The following IGF2BP2 variants were observed in gnomAD, a reference collection of about 807,000 sequenced individuals.
IGF2BP2 encodes the protein insulin like growth factor 2 mRNA binding protein 2.
IGF2BP2 carries 17 observed loss-of-function variants against 75.8 expected under a neutral mutation model. The observed-to-expected ratio is 0.22, with a 90% CI of 0.15 to 0.34. The LOEUF (loss-of-function observed/expected upper bound fraction) is 0.34. Among genes scored for constraint, IGF2BP2 ranks in the 10% least tolerant of loss-of-function variants. IGF2BP2 has a pLI of 1.00. For missense variants in IGF2BP2, 516 were observed against 772.4 expected, an observed-to-expected ratio of 0.67 and a Z score of 3.93; for synonymous variants, 288 against 295.6, an observed-to-expected ratio of 0.97 and a Z score of 0.26.
At chr3:185,747,314 T>A (rs1730372825) in intron 2 of IGF2BP2, among the ~76,000 whole-genome samples, 1 of 152,326 alleles carries the variant, frequency 6.6e-6, no homozygotes, top group African/African-American at 2.4e-5. Context: ...CCTTATGTTA[T>A]GGTACTGTCA....
At chr3:185,676,939 GAC>G (rs1360246687) in intron 7 of IGF2BP2, among the ~76,000 whole-genome samples, 2 of 139,272 alleles carry the variant, frequency 1.4e-5, no homozygotes, top group African/African-American at 5.4e-5. Flanking sequence ...TGGAGAGAGA[GAC>G]ATATATATAT....
intron 10 of IGF2BP2, among the ~76,000 whole-genome samples, chr3:185,669,570 A>G (rs1384289892): frequency 7.1e-6 from 1 of 140,094 alleles, no homozygotes; most frequent in Non-Finnish European, 1.6e-5. Context: ...AAAAAAAAAA[A>G]AAAAGGGGGG....
intron 5 of IGF2BP2, among the ~76,000 whole-genome samples, chr3:185,691,148 G>A (rs542674025): frequency 1.3e-5 from 2 of 152,138 alleles, no homozygotes; most frequent in South Asian, 4.2e-4. Flanking sequence ...GACCAGGCTG[G>A]AGTGCAATGG....
intron 2 of IGF2BP2, among the ~76,000 whole-genome samples, chr3:185,809,566 G>A (rs561616961): frequency 6.6e-6 from 1 of 152,258 alleles, no homozygotes; most frequent in African/African-American, 2.4e-5. Context: ...GGAAGATGAG[G>A]CTGCAGTGAG....
chr3:185,706,515 G>A (rs934398912), intron 2 of IGF2BP2, among the ~76,000 whole-genome samples: 1 of 152,224 alleles, frequency 6.6e-6, no homozygotes. Context: ...GTTACTCTTG[G>A]ACAAGATGGT....
chr3:185,761,002 CT>C (rs1172366704), intron 2 of IGF2BP2, among the ~76,000 whole-genome samples: 1 of 144,816 alleles, frequency 6.9e-6, no homozygotes, highest in African/African-American at 2.4e-5. Context: ...TACTTAAATA[CT>C]TTTTTTTGAG....
intron 11 of IGF2BP2, among the ~76,000 whole-genome samples, chr3:185,657,718 C>T (rs955452033): frequency 2.0e-5 from 3 of 152,214 alleles, no homozygotes; most frequent in Admixed American, 1.3e-4. Flanking sequence ...TGTATCTCTC[C>T]TGTGTCTTCA....
At chr3:185,650,426 C>T (rs1252059245) in intron 13 of IGF2BP2, among the ~76,000 whole-genome samples, 2 of 152,042 alleles carry the variant, frequency 1.3e-5, no homozygotes, top group African/African-American at 4.8e-5. Flanking sequence ...CCTCTAATCC[C>T]AGCACTTTGG....
intron 7 of IGF2BP2, among the ~76,000 whole-genome samples, chr3:185,678,250 T>C (rs575188522): frequency 2.8e-4 from 42 of 152,380 alleles, no homozygotes; most frequent in African/African-American, 8.9e-4. Context: ...TAACACTATC[T>C]GCAGATTTCT....
chr3:185,688,178 C>T (rs1190878686), intron 6 of IGF2BP2, among the ~76,000 whole-genome samples: 1 of 152,128 alleles, frequency 6.6e-6, no homozygotes, highest in Admixed American at 6.5e-5. Flanking sequence ...TTACAAGACA[C>T]CCACTGAATG....
At chr3:185,824,319 G>A (rs549761779) in intron 1 of IGF2BP2, among the ~76,000 whole-genome samples, 3 of 151,516 alleles carry the variant, frequency 2.0e-5, no homozygotes, top group Non-Finnish European at 4.4e-5. Flanking sequence ...TTCTGGGCAC[G>A]AGGCACTGGA....
At chr3:185,677,492 G>C (rs1034706173) in intron 7 of IGF2BP2, among the ~76,000 whole-genome samples, 2 of 152,120 alleles carry the variant, frequency 1.3e-5, no homozygotes, top group African/African-American at 4.8e-5. Flanking sequence ...CCAGTACACA[G>C]AGACTGTGAG....
At chr3:185,715,679 T>C (rs1725499083) in intron 2 of IGF2BP2, among the ~76,000 whole-genome samples, 1 of 152,112 alleles carries the variant, frequency 6.6e-6, no homozygotes. Flanking sequence ...GTTTCATTCT[T>C]GTTGCCCAGG....
At chr3:185,672,150 T>C (rs1718606761) in intron 10 of IGF2BP2, among the ~76,000 whole-genome samples, 1 of 152,224 alleles carries the variant, frequency 6.6e-6, no homozygotes, top group Non-Finnish European at 1.5e-5. Context: ...TGCACATGTA[T>C]GTATGTAGAT....
intron 12 of IGF2BP2, among the ~76,000 whole-genome samples, chr3:185,657,074 A>AT (rs1301498822): frequency 6.6e-6 from 1 of 152,170 alleles, no homozygotes; most frequent in South Asian, 2.1e-4. Context: ...GTCTGCTACT[A>AT]TTTTTTTCTA....
intron 2 of IGF2BP2, among the ~76,000 whole-genome samples, chr3:185,781,783 TTGTG>T (rs572450928): frequency 7.4e-5 from 11 of 149,428 alleles, no homozygotes; most frequent in East Asian, 3.9e-4. Flanking sequence ...TTGTTTGTGT[TTGTG>T]TGTGTGTGTG....
chr3:185,649,665 A>C, intron 13 of IGF2BP2, 131 bp from the exon 14 acceptor site: 2 of 1,257,640 alleles, frequency 1.6e-6, no homozygotes, highest in South Asian at 1.5e-5. Context: ...GACACACAGG[A>C]AGCTGCGTGC....
chr3:185,671,535 CAAAAAAA>C (rs397706922), intron 10 of IGF2BP2, among the ~76,000 whole-genome samples: 1 of 88,766 alleles, frequency 1.1e-5, no homozygotes, highest in Non-Finnish European at 2.5e-5. Flanking sequence ...GACTCCATCT[CAAAAAAA>C]AAAAAAAAAG....
intron 2 of IGF2BP2, among the ~76,000 whole-genome samples, chr3:185,761,819 G>C (rs893316738): frequency 1.3e-5 from 2 of 152,184 alleles, no homozygotes; most frequent in Admixed American, 1.3e-4. Flanking sequence ...ATAACAACAT[G>C]CAAGTGTGCT....
Sources: gnomAD v4.1 joint callset for allele counts (sites outside exome capture counted in the v4.1 genomes callset) on GRCh38, gnomAD v4.1.1 for gene constraint, MANE v1.5 for transcripts, NCBI Gene and HGNC (gene_info 2026-07-23, HGNC 2026-07-21) for gene names.